The following PLXDC1 variants were observed in gnomAD, a reference collection of about 807,000 sequenced individuals.
PLXDC1 encodes plexin domain-containing protein 1.
Under a neutral mutation model 61.3 loss-of-function variants are expected in PLXDC1, and 39 were observed. The ratio of observed to expected loss-of-function variants is 0.64; its 90% confidence interval spans 0.49 to 0.83. The LOEUF (loss-of-function observed/expected upper bound fraction) is 0.83, where lower values mean the gene tolerates loss of function less well. PLXDC1 is among the 40% of genes least tolerant of loss of function. PLXDC1 has a pLI of 0.00. For missense variants in PLXDC1, 596 were observed against 666.5 expected (o/e 0.89, Z 1.17); for synonymous variants, 212 against 254.5 (o/e 0.83, Z 1.59).
At chr17:39,138,266 C>T (rs111275624) in intron 2 of PLXDC1, among the ~76,000 whole-genome samples, 1,649 of 152,080 alleles carry the variant, frequency 0.011, 23 homozygotes, top group Middle Eastern at 0.058. Flanking sequence ...GGCTAGGGGA[C>T]GTGTAGGAAA....
intron 1 of PLXDC1, among the ~76,000 whole-genome samples, chr17:39,147,068 G>A (rs2143989053): frequency 6.9e-6 from 1 of 144,190 alleles, no homozygotes; most frequent in East Asian, 2.2e-4. Context: ...CAATTCTCCT[G>A]CCTCAGCCTC....
rs920959341 is a variant in PLXDC1, at chr17:39,065,228, G to GTT, written c.*2610_*2611dup. The GTT allele has an allele frequency of 2.0e-5, 3 of 152,086 alleles. No homozygotes were observed. Among genetic ancestry groups the GTT allele is most frequent in the African/African-American group, 7.2e-5 (3 of 41,392 alleles). The allele number at this position is 152,086 out of a possible 1,614,324, so 9.4% of individuals were successfully genotyped here. A position where few individuals can be genotyped will look rare whatever the true frequency, so the allele number is the denominator to read the frequency against. On this transcript the variant is annotated 3_prime_UTR_variant, in exon 14 of 14. Transcript: ENST00000315392. Reference sequence around the variant, plus strand: ...GGATGTATTTGGCGGCAGATGGCCTGTTTGTTTATGACAAAAAGTACTAGA... The same window carrying GTT: ...GGATGTATTTGGCGGCAGATGGCCTGTTTTTGTTTATGACAAAAAGTACTAGA...
At position 39,070,006 on chromosome 17, in the gene PLXDC1, G is replaced by C. The variant is rs765177353; in HGVS notation, c.1233C>G (p.Asn411Lys). 1.4e-5 allele frequency: 22 copies of C among 1,613,764 alleles called. No individual in the cohort carries two copies. The highest frequency in any genetic ancestry group is 1.9e-5 in the Non-Finnish European group (22 of 1,179,684). The change falls in exon 13 of 14, where the codon AAC (asparagine) becomes AAG (lysine). Residue 411 changes from asparagine (N) to lysine (K), a missense_variant. By Grantham distance (94) the Asn-to-Lys change is moderately conservative. Transcript: ENST00000315392. ...TGCCCTTTGTCTTGGGGGACAGGTT[G>C]TTCTGAAGGCCTGTGGAGAGATCAT... The part of the protein sequence containing the change: ...NPYAGGDGLQ[N>K]NLSPKTKGTP...
chr17:39,088,975 G>GAAAA (rs34514199), intron 7 of PLXDC1, among the ~76,000 whole-genome samples: 1 of 122,544 alleles, frequency 8.2e-6, no homozygotes, highest in African/African-American at 2.9e-5. Context: ...GAGAGAGAGA[G>GAAAA]AAAAAGAAAG....
At chr17:39,139,097 G>A (rs948637309) in intron 2 of PLXDC1, among the ~76,000 whole-genome samples, 1 of 152,134 alleles carries the variant, frequency 6.6e-6, no homozygotes, top group Non-Finnish European at 1.5e-5. Context: ...CCTGAGAGAA[G>A]AGCACTCCCT....
In PLXDC1 at chr17:39,107,409, C is replaced by G; in HGVS notation, c.709G>C (p.Glu237Gln). Reference protein sequence around the residue: ...HDGRIVFAYKEIPMSVPEISS... With the variant: ...HDGRIVFAYKQIPMSVPEISS... ...TCTCTGCAGCTGGGCCCACTCACCT[C>G]TTTATAGGCAAAGACAATGCGGCCG... The change falls in exon 6 of 14, where the codon GAG becomes CAG. Residue 237 changes from glutamate (E) to glutamine (Q), a missense_variant and splice_region_variant. Physicochemically the swap from Glu to Gln is conservative, Grantham distance 29. Transcript: ENST00000315392. 2.5e-6 allele frequency: 4 copies of G among 1,598,008 alleles called. No individual in the cohort carries two copies. The highest frequency in any genetic ancestry group is 3.4e-6 in the Non-Finnish European group (4 of 1,167,878).
chr17:39,098,203 CTCAAAA>C (rs1910291218), intron 7 of PLXDC1, among the ~76,000 whole-genome samples: 1 of 46,870 alleles, frequency 2.1e-5, no homozygotes, highest in South Asian at 1.1e-3. Context: ...GAAACTCCAT[CTCAAAA>C]AAAAAAAAAA....
chr17:39,115,550 C>G (rs1478998693), intron 2 of PLXDC1, among the ~76,000 whole-genome samples: 2 of 152,196 alleles, frequency 1.3e-5, no homozygotes, highest in African/African-American at 4.8e-5. Context: ...CTACTCAGCT[C>G]TGGCTGAGGG....
intron 2 of PLXDC1, among the ~76,000 whole-genome samples, chr17:39,117,156 C>T (rs545647249): frequency 1.2e-4 from 19 of 152,298 alleles, no homozygotes; most frequent in South Asian, 8.3e-4. Flanking sequence ...CTTGTAGTGA[C>T]GGGATGGCAG....
At chr17:39,135,692 A>G (rs902796809) in intron 2 of PLXDC1, among the ~76,000 whole-genome samples, 1 of 151,964 alleles carries the variant, frequency 6.6e-6, no homozygotes, top group African/African-American at 2.4e-5. Context: ...AAAAAAAAAA[A>G]AAAAGTTCCC....
At chr17:39,101,878 C>G (rs922107562) in intron 7 of PLXDC1, among the ~76,000 whole-genome samples, 1 of 152,148 alleles carries the variant, frequency 6.6e-6, no homozygotes, top group Non-Finnish European at 1.5e-5. Flanking sequence ...GCGGCTGGCC[C>G]TACCGAGAGG....
intron 1 of PLXDC1, among the ~76,000 whole-genome samples, chr17:39,150,086 G>C (rs2045363526): frequency 6.6e-6 from 1 of 152,108 alleles, no homozygotes; most frequent in South Asian, 2.1e-4. Flanking sequence ...AAAGTAACTT[G>C]TCTAAAGTCA....
chr17:39,098,050 C>A (rs1910282016), intron 7 of PLXDC1, among the ~76,000 whole-genome samples: 1 of 150,864 alleles, frequency 6.6e-6, no homozygotes. Flanking sequence ...CTAAAAAATA[C>A]AAAAATTAGT....
chr17:39,150,573 A>C (rs1389868554), intron 1 of PLXDC1, among the ~76,000 whole-genome samples: 1 of 152,190 alleles, frequency 6.6e-6, no homozygotes, highest in Non-Finnish European at 1.5e-5. Flanking sequence ...ACCATGAGGG[A>C]TTCCAGGTAG....
chr17:39,082,563 C>CAA (rs11414417), intron 9 of PLXDC1, among the ~76,000 whole-genome samples: 2,590 of 143,710 alleles, frequency 0.018, 70 homozygotes, highest in African/African-American at 0.052. Flanking sequence ...AAAACTCTCT[C>CAA]AAAAAAAAAA....
At chr17:39,152,369 C>T, upstream of PLXDC1, 1 of 511,276 alleles carries the variant, frequency 2.0e-6, no homozygotes, top group Non-Finnish European at 3.0e-6. Context: ...AGAGCCAGCC[C>T]CAGACGAGGA....
At position 39,105,917 on chromosome 17, in the gene PLXDC1, G is replaced by C. The variant is rs1288241469; in HGVS notation, c.748C>G (p.His250Asp). The change falls in exon 7 of 14, where the codon CAT (histidine) becomes GAT (aspartate). Residue 250 changes from histidine (H) to aspartate (D), a missense_variant. Transcript: ENST00000315392. ...MSVPEISSSQ[H>D]PVKTGLSDAF... Reference sequence around the variant, plus strand: ...TCCGATAGGCCGGTTTTGACAGGATGCTGGGAGGAGCTGATTTCCGGGACA... The same window carrying C: ...TCCGATAGGCCGGTTTTGACAGGATCCTGGGAGGAGCTGATTTCCGGGACA... 3.1e-6 allele frequency: 5 copies of C among 1,613,870 alleles called. No homozygotes were observed. Among genetic ancestry groups the C allele is most frequent in the Non-Finnish European group, 4.2e-6 (5 of 1,179,858 alleles).
chr17:39,099,999 C>A (rs1329243745), intron 7 of PLXDC1, among the ~76,000 whole-genome samples: 1 of 152,140 alleles, frequency 6.6e-6, no homozygotes, highest in Non-Finnish European at 1.5e-5. Context: ...TATAAAAAGA[C>A]CCTGGTTTGC....
intron 11 of PLXDC1, among the ~76,000 whole-genome samples, chr17:39,073,732 A>AT (rs1220297275): frequency 4.6e-5 from 7 of 152,158 alleles, no homozygotes; most frequent in Non-Finnish European, 1.0e-4. Context: ...ATGAGTGGTC[A>AT]TTTTCTGTTG....
Sources: gnomAD v4.1 joint callset for allele counts (sites outside exome capture counted in the v4.1 genomes callset) on GRCh38, gnomAD v4.1.1 for gene constraint, MANE v1.5 for transcripts, NCBI Gene and HGNC (gene_info 2026-07-23, HGNC 2026-07-21) for gene names.